Variants in LRP1B observed in about 807,000 individuals in gnomAD.
LRP1B encodes LDL receptor related protein 1B, also known as low-density lipoprotein receptor-related protein 1B.
In LRP1B, 217 loss-of-function variants were observed where a neutral mutation model predicts 556.6. The ratio of observed to expected loss-of-function variants is 0.39; its 90% CI spans 0.35 to 0.44. LRP1B has a LOEUF of 0.44. LRP1B is among the 20% of genes least tolerant of loss of function. The pLI is 1.00. For missense variants in LRP1B, 5,053 were observed against 5,620.8 expected, an observed-to-expected ratio of 0.90 and a Z score of 3.23; for synonymous variants, 2,047 against 1,865.8, an observed-to-expected ratio of 1.10 and a Z score of -2.50.
intron 3 of LRP1B, among the ~76,000 whole-genome samples, chr2:141,335,037 T>C (rs1687795994): frequency 6.6e-6 from 1 of 152,198 alleles, no homozygotes; most frequent in Admixed American, 6.5e-5. Flanking sequence ...GACACATTGA[T>C]AGGCATGGGA....
chr2:141,656,718 T>G (rs1690023032), intron 2 of LRP1B, among the ~76,000 whole-genome samples: 2 of 152,140 alleles, frequency 1.3e-5, no homozygotes, highest in Admixed American at 1.3e-4. Flanking sequence ...GATTAAAGTT[T>G]ACATGAGCTG....
intron 1 of LRP1B, among the ~76,000 whole-genome samples, chr2:141,976,611 G>A (rs1466438157): frequency 6.6e-6 from 1 of 152,072 alleles, no homozygotes; most frequent in Non-Finnish European, 1.5e-5. Flanking sequence ...TGTATGTTAG[G>A]TTAAGAATAT....
intron 41 of LRP1B, among the ~76,000 whole-genome samples, chr2:140,657,594 C>T (rs987429904): frequency 3.9e-4 from 32 of 82,670 alleles, no homozygotes; most frequent in South Asian, 2.3e-3. Context: ...TACATACATA[C>T]ATATATATAC....
intron 2 of LRP1B, among the ~76,000 whole-genome samples, chr2:141,772,110 ATCTC>A (rs1558865436): frequency 6.6e-6 from 1 of 151,996 alleles, no homozygotes; most frequent in African/African-American, 2.4e-5. Flanking sequence ...CCGGCCGATG[ATCTC>A]TCTTTCTACC....
At position 141,378,968 on chromosome 2, in the gene LRP1B, T is replaced by G. The variant is rs574297272; in HGVS notation, c.343+101428A>C. Among the ~76,000 whole-genome samples, 66 of 152,318 alleles carry G rather than the reference T, an allele frequency of 4.3e-4. 1 individual carries two copies. The highest frequency in any genetic ancestry group is 1.3e-3 in the African/African-American group (54 of 41,582). ...GAAGTGAGAATATTTGAATACATTA[T>G]AGTTGAAAACTTCTAAAATTTGATA... On this transcript the variant is annotated intron_variant, in intron 3 of 90. Transcript: ENST00000389484.
intron 43 of LRP1B, among the ~76,000 whole-genome samples, chr2:140,578,164 T>G (rs1309474160): frequency 6.6e-6 from 1 of 152,142 alleles, no homozygotes; most frequent in East Asian, 1.9e-4. Context: ...ACAACCCAAT[T>G]TTATAGAGAA....
At chr2:141,323,921 C>CCACACACACACACA (rs57844457) in intron 3 of LRP1B, among the ~76,000 whole-genome samples, 2,529 of 129,952 alleles carry the variant, frequency 0.019, 53 homozygotes, top group Non-Finnish European at 0.031. Flanking sequence ...AACGAGGAAA[C>CCACACACACACACA]CACACACACA....
chr2:140,989,560 A>T lies in LRP1B; in HGVS notation c.2742T>A (p.Asn914Lys), dbSNP rs2105352764. The change falls in exon 17 of 91, where the codon AAT (asparagine) becomes AAA (lysine). Residue 914 changes from asparagine (N) to lysine (K), a missense_variant. Around this residue, in one of 5 missense-constraint regions of LRP1B, gnomAD observed 3,619 missense variants for 3,931.9 expected, o/e 0.92. Transcript: ENST00000389484. ...LCDGANDCGS[N>K]EDESNQTCTA... ...TGCAAGTTTGATTGGATTCATCTTC[A>T]TTGCTCCCACAGTCATTAGCTCCAT... 1 of 1,613,212 alleles carries T rather than the reference A, an allele frequency of 6.2e-7. No homozygotes were observed. The highest frequency in any genetic ancestry group is 8.5e-7 in the Non-Finnish European group (1 of 1,179,412).
intron 77 of LRP1B, among the ~76,000 whole-genome samples, chr2:140,350,219 C>T (rs1366993026): frequency 2.0e-5 from 3 of 151,650 alleles, no homozygotes; most frequent in African/African-American, 4.9e-5. Flanking sequence ...TAAATTGAAA[C>T]ATGTTCCAGT....
intron 3 of LRP1B, among the ~76,000 whole-genome samples, chr2:141,259,289 T>G (rs995934671): frequency 6.7e-6 from 1 of 148,978 alleles, no homozygotes; most frequent in African/African-American, 2.5e-5. Context: ...GCAACAAGAG[T>G]GCTTTACCTC....
At chr2:140,864,577 A>G (rs1409833997) in intron 27 of LRP1B, among the ~76,000 whole-genome samples, 2 of 152,122 alleles carry the variant, frequency 1.3e-5, no homozygotes, top group South Asian at 2.1e-4. Context: ...GCTTCATTAT[A>G]TAATCCCAGA....
chr2:140,692,962 G>C (rs1686298233), intron 41 of LRP1B, among the ~76,000 whole-genome samples: 1 of 152,020 alleles, frequency 6.6e-6, no homozygotes, highest in South Asian at 2.1e-4. Flanking sequence ...TTGAGTTGGA[G>C]ATAACATTTT....
intron 68 of LRP1B, among the ~76,000 whole-genome samples, chr2:140,377,817 CTG>C (rs1683301019): frequency 6.6e-6 from 1 of 152,132 alleles, no homozygotes; most frequent in Non-Finnish European, 1.5e-5. Flanking sequence ...GGAGAAGAAA[CTG>C]TTTAAAATGC....
chr2:141,478,768 C>T (rs1017159157), intron 3 of LRP1B, among the ~76,000 whole-genome samples: 16 of 152,078 alleles, frequency 1.1e-4, no homozygotes, highest in East Asian at 9.6e-4. Context: ...TGGTCTCGAA[C>T]TCCTGACGTC....
At chr2:141,216,219 G>A (rs975938339) in intron 6 of LRP1B, among the ~76,000 whole-genome samples, 6 of 152,144 alleles carry the variant, frequency 3.9e-5, no homozygotes, top group South Asian at 2.1e-4. Context: ...ACCTCGAACC[G>A]CCACTTTCGT....
intron 6 of LRP1B, among the ~76,000 whole-genome samples, chr2:141,204,685 G>A (rs900146773): frequency 6.6e-6 from 1 of 152,098 alleles, no homozygotes; most frequent in Middle Eastern, 3.2e-3. Context: ...AAGAATGTAA[G>A]AGATGACACT....
At chr2:141,252,531 T>G (rs550272370) in intron 4 of LRP1B, among the ~76,000 whole-genome samples, 1 of 152,288 alleles carries the variant, frequency 6.6e-6, no homozygotes, top group East Asian at 1.9e-4. Context: ...TGAATGAAAT[T>G]AAGGCTTGCA....
At chr2:141,685,258 T>C (rs1691253625) in intron 2 of LRP1B, among the ~76,000 whole-genome samples, 1 of 152,076 alleles carries the variant, frequency 6.6e-6, no homozygotes, top group African/African-American at 2.4e-5. Context: ...TGTCCCAGGA[T>C]AGATCATGCA....
intron 2 of LRP1B, among the ~76,000 whole-genome samples, chr2:141,692,902 C>T (rs975089013): frequency 6.6e-6 from 1 of 151,970 alleles, no homozygotes; most frequent in African/African-American, 2.4e-5. Flanking sequence ...TATGAAACCA[C>T]AGTCATATAT....
Sources: allele counts gnomAD v4.1 joint callset (sites outside exome capture counted in the v4.1 genomes callset), GRCh38; gene constraint gnomAD v4.1.1; regional missense constraint gnomAD v4.1.1; transcripts MANE v1.5; gene names NCBI Gene and HGNC (gene_info 2026-07-23, HGNC 2026-07-21).